The following NOX4 variants were observed in gnomAD, a reference collection of about 807,000 sequenced individuals.
NOX4 encodes the protein NADPH oxidase 4.
A neutral mutation model predicts 87.6 loss-of-function variants in NOX4; 69 were observed. The observed-to-expected ratio is 0.79, with a 90% confidence interval of 0.65 to 0.96. The LOEUF (loss-of-function observed/expected upper bound fraction) is 0.96, where lower values mean the gene tolerates loss of function less well. Ranked by LOEUF, NOX4 falls within the 40% of genes least tolerant of loss-of-function variation. NOX4 has a pLI of 0.00. For missense variants in NOX4, 680 were observed against 681.5 expected (o/e 1.00, Z 0.02); for synonymous variants, 275 against 238.2 (o/e 1.15, Z -1.42).
At chr11:89,336,401 C>T (rs1218912385) in intron 16 of NOX4, among the ~76,000 whole-genome samples, 1 of 151,868 alleles carries the variant, frequency 6.6e-6, no homozygotes, top group East Asian at 1.9e-4. Context: ...TTTGGCACCA[C>T]AAATACAGTT....
chr11:89,530,534 A>G, the NOX4 span, among the ~76,000 whole-genome samples: 1 of 106,970 alleles, frequency 9.3e-6, no homozygotes, highest in African/African-American at 3.6e-5. Flanking sequence ...TTGTATTTTT[A>G]GTAGACATGG....
the NOX4 span, among the ~76,000 whole-genome samples, chr11:89,588,666 A>C: frequency 8.5e-5 from 13 of 152,158 alleles, no homozygotes; most frequent in Non-Finnish European, 1.6e-4. Flanking sequence ...CTAGGCAGCA[A>C]TCTTTGTGAA....
At chr11:89,537,954 T>G in the NOX4 span, among the ~76,000 whole-genome samples, 1 of 152,240 alleles carries the variant, frequency 6.6e-6, no homozygotes, top group African/African-American at 2.4e-5. Flanking sequence ...ACCTCTCTTT[T>G]ACTTTCCTCA....
At chr11:89,428,136 G>A (rs1277547112) in intron 7 of NOX4, among the ~76,000 whole-genome samples, 1 of 152,092 alleles carries the variant, frequency 6.6e-6, no homozygotes, top group Non-Finnish European at 1.5e-5. Flanking sequence ...ATAAGTGAAG[G>A]AGAAACAAAA....
At chr11:89,531,160 A>C in the NOX4 span, among the ~76,000 whole-genome samples, 1 of 152,084 alleles carries the variant, frequency 6.6e-6, no homozygotes, top group Admixed American at 6.5e-5. Flanking sequence ...AATGCACAAA[A>C]TTTCTCCAAT....
the NOX4 span, among the ~76,000 whole-genome samples, chr11:89,510,746 A>G: frequency 6.6e-6 from 1 of 152,086 alleles, no homozygotes; most frequent in Non-Finnish European, 1.5e-5. Flanking sequence ...TAGCAGCAAC[A>G]TGCTTCTGGC....
the NOX4 span, among the ~76,000 whole-genome samples, chr11:89,565,283 T>C: frequency 6.6e-6 from 1 of 152,136 alleles, no homozygotes; most frequent in South Asian, 2.1e-4. Context: ...TAATATTATG[T>C]TTTAAATTTT....
At chr11:89,328,817 T>C (rs1003352778) in intron 17 of NOX4, among the ~76,000 whole-genome samples, 7 of 151,914 alleles carry the variant, frequency 4.6e-5, no homozygotes, top group African/African-American at 1.7e-4. Context: ...AATGGTGTAC[T>C]TATAAGAAGT....
In NOX4 at chr11:89,400,364, A is replaced by C. The variant is rs1468425883; in HGVS notation, c.862T>G (p.Ser288Ala). 13 of 1,581,568 alleles carry C rather than the reference A, an allele frequency of 8.2e-6. No individual in the cohort carries two copies. Among genetic ancestry groups the C allele is most frequent in the Non-Finnish European group, 1.1e-5 (13 of 1,166,588 alleles). ...ANFPQTWLWI[S>A]GPLCLYCAER... ...GCACAGTACAGGCACAAAGGTCCAG[A>C]AATCCAAAGCCAAGTCTAAGACAAA... The change falls in exon 10 of 18, where the codon TCT (serine) becomes GCT (alanine). Residue 288 changes from serine to alanine, a missense_variant. Coordinates refer to ENST00000263317, the MANE Select transcript of NOX4 (RefSeq NM_016931.5).
the NOX4 span, among the ~76,000 whole-genome samples, chr11:89,535,759 A>T: frequency 6.6e-6 from 1 of 152,124 alleles, no homozygotes; most frequent in Admixed American, 6.5e-5. Flanking sequence ...TAATAATTAT[A>T]AACTTTTTGA....
the NOX4 span, among the ~76,000 whole-genome samples, chr11:89,543,162 C>A: frequency 6.6e-6 from 1 of 152,022 alleles, no homozygotes; most frequent in African/African-American, 2.4e-5. Context: ...ACACAATATA[C>A]CCATGTAACA....
chr11:89,587,452 C>T, the NOX4 span, among the ~76,000 whole-genome samples: 1 of 151,018 alleles, frequency 6.6e-6, no homozygotes, highest in Non-Finnish European at 1.5e-5. Context: ...TGATTTGAAA[C>T]AGACATGTGG....
At chr11:89,444,363 T>C (rs1005004643) in intron 4 of NOX4, 131 bp from the exon 5 acceptor site, 2 of 709,946 alleles carry the variant, frequency 2.8e-6, no homozygotes, top group African/African-American at 1.8e-5. Flanking sequence ...AAATATTACA[T>C]TGAAAGGTGA....
chr11:89,565,821 A>T, the NOX4 span, among the ~76,000 whole-genome samples: 27 of 151,784 alleles, frequency 1.8e-4, no homozygotes, highest in Non-Finnish European at 3.4e-4. Context: ...GATTTTTATT[A>T]TCAATAGCCT....
intron 2 of NOX4, among the ~76,000 whole-genome samples, chr11:89,462,324 C>A (rs1337822029): frequency 1.3e-5 from 2 of 152,068 alleles, no homozygotes; most frequent in African/African-American, 4.8e-5. Context: ...CGATGTAACT[C>A]CAGTCAAACT....
At chr11:89,542,422 T>A in the NOX4 span, among the ~76,000 whole-genome samples, 1 of 152,232 alleles carries the variant, frequency 6.6e-6, no homozygotes, top group Admixed American at 6.5e-5. Flanking sequence ...ATTTACCCTG[T>A]TTAAAGTTAG....
the NOX4 span, among the ~76,000 whole-genome samples, chr11:89,564,374 G>T: frequency 5.3e-5 from 8 of 152,126 alleles, no homozygotes; most frequent in South Asian, 1.7e-3. Context: ...CAAAGGGGAA[G>T]GTGCTATACA....
chr11:89,485,519 C>A (rs1026460581), intron 2 of NOX4, among the ~76,000 whole-genome samples: 1 of 151,832 alleles, frequency 6.6e-6, no homozygotes, highest in Non-Finnish European at 1.5e-5. Context: ...ATGTAAAAAA[C>A]GCAACTCAAA....
At chr11:89,537,331 T>A in the NOX4 span, among the ~76,000 whole-genome samples, 1 of 152,004 alleles carries the variant, frequency 6.6e-6, no homozygotes, top group Non-Finnish European at 1.5e-5. Context: ...TAAGGTGTTT[T>A]AATTTAAAAA....
Sources: gnomAD v4.1 joint callset for allele counts (sites outside exome capture counted in the v4.1 genomes callset) on GRCh38, gnomAD v4.1.1 for gene constraint, MANE v1.5 for transcripts, NCBI Gene and HGNC (gene_info 2026-07-23, HGNC 2026-07-21) for gene names.